SLC43A2: variants seen among roughly 807,000 people sequenced by gnomAD.
SLC43A2 encodes the protein large neutral amino acids transporter small subunit 4.
SLC43A2 carries 38 observed loss-of-function variants against 63.2 expected under a neutral mutation model. That is an observed-to-expected ratio of 0.60 (90% CI 0.46 to 0.79). The LOEUF (loss-of-function observed/expected upper bound fraction) is 0.79. Among genes scored for constraint, SLC43A2 ranks in the 30% least tolerant of loss-of-function variants. SLC43A2 has a pLI of 0.00. For missense variants in SLC43A2, 644 were observed against 756.2 expected (o/e 0.85, Z 1.74); for synonymous variants, 322 against 331.0 (o/e 0.97, Z 0.30).
intron 2 of SLC43A2, among the ~76,000 whole-genome samples, chr17:1,621,375 C>G (rs760115921): frequency 2.6e-4 from 39 of 152,316 alleles, no homozygotes; most frequent in African/African-American, 5.8e-4. Flanking sequence ...CCGAGCCCCC[C>G]CTCCAGGGTG....
chr17:1,576,928 G>A (rs905779198), intron 12 of SLC43A2, among the ~76,000 whole-genome samples: 12 of 149,150 alleles, frequency 8.0e-5, no homozygotes, highest in African/African-American at 3.0e-4. Context: ...GCAATGACAC[G>A]ATCTCGGCTC....
intron 5 of SLC43A2, chr17:1,604,717 A>G: frequency 6.5e-7 from 1 of 1,535,200 alleles, no homozygotes; most frequent in Non-Finnish European, 8.7e-7. Flanking sequence ...CTCCTTTTAG[A>G]CCCATCTGCC....
At chr17:1,579,128 G>A in intron 11 of SLC43A2, among the ~76,000 whole-genome samples, 1 of 125,048 alleles carries the variant, frequency 8.0e-6, no homozygotes, top group Non-Finnish European at 1.7e-5. Flanking sequence ...GACAAAGTGA[G>A]ACTCTGTCTC....
At chr17:1,596,276 T>C (rs1469124801) in intron 5 of SLC43A2, among the ~76,000 whole-genome samples, 1 of 151,470 alleles carries the variant, frequency 6.6e-6, no homozygotes, top group Non-Finnish European at 1.5e-5. Context: ...CTGACATTGA[T>C]CCACTGCACT....
At chr17:1,610,343 G>A (rs1906984794) in intron 5 of SLC43A2, among the ~76,000 whole-genome samples, 1 of 151,120 alleles carries the variant, frequency 6.6e-6, no homozygotes, top group Non-Finnish European at 1.5e-5. Context: ...GCATACTGTG[G>A]CCTGGAACTT....
At chr17:1,615,640 G>A (rs534098137) in intron 3 of SLC43A2, among the ~76,000 whole-genome samples, 70 of 149,708 alleles carry the variant, frequency 4.7e-4, no homozygotes, top group African/African-American at 1.4e-3. Context: ...TCAGGAGATC[G>A]AGACCATCCT....
intron 5 of SLC43A2, among the ~76,000 whole-genome samples, chr17:1,600,152 A>ATATATATAT (rs1216616243): frequency 1.0e-4 from 6 of 60,278 alleles, no homozygotes; most frequent in Middle Eastern, 8.9e-3. Flanking sequence ...ATATATATAT[A>ATATATATAT]TTTTTTTTTT....
chr17:1,624,473 C>T (rs773796683), intron 2 of SLC43A2, among the ~76,000 whole-genome samples: 5 of 151,522 alleles, frequency 3.3e-5, no homozygotes, highest in Non-Finnish European at 7.4e-5. Flanking sequence ...GAGGCCAAGG[C>T]GGGTGGATCA....
In SLC43A2 at chr17:1,593,997, C is replaced by A. The variant is rs1905048536; in HGVS notation, c.502-718G>T. Among the ~76,000 whole-genome samples, 1 of 152,094 alleles carries A rather than the reference C, an allele frequency of 6.6e-6. No homozygotes were observed. The highest frequency in any genetic ancestry group is 6.6e-5 in the Admixed American group (1 of 15,262). ...GAGATTAGAGATGCCCGCCACCATG[C>A]CTGGCTAATTTTTGTATTTTTAGTA... On this transcript the variant is annotated intron_variant, in intron 5 of 13. Transcript: ENST00000301335. The surrounding 1 kb of genome is among the most constrained non-coding windows in gnomAD (Gnocchi z 5.3).
At chr17:1,600,152 A>ATATATATATATATATTTTT (rs1216616243) in intron 5 of SLC43A2, among the ~76,000 whole-genome samples, 38 of 60,266 alleles carry the variant, frequency 6.3e-4, no homozygotes, top group African/African-American at 1.9e-3. Context: ...ATATATATAT[A>ATATATATATATATATTTTT]TTTTTTTTTT....
chr17:1,599,366 T>C (rs1459481952), intron 5 of SLC43A2, among the ~76,000 whole-genome samples: 1 of 150,738 alleles, frequency 6.6e-6, no homozygotes, highest in African/African-American at 2.4e-5. Flanking sequence ...GCATATCCAT[T>C]GCAAAATGTT....
intron 5 of SLC43A2, among the ~76,000 whole-genome samples, chr17:1,595,670 C>T (rs1905226872): frequency 6.6e-6 from 1 of 152,050 alleles, no homozygotes. Context: ...GTCTTGAACT[C>T]CTGACCTCAA....
chr17:1,619,595 C>T (rs748415823), intron 2 of SLC43A2, among the ~76,000 whole-genome samples: 3 of 152,226 alleles, frequency 2.0e-5, no homozygotes, highest in Admixed American at 1.3e-4. Context: ...TCATGTACAC[C>T]GCCACAGCCG....
At chr17:1,613,077 T>C (rs979997901) in intron 5 of SLC43A2, 118 bp downstream of exon 5, 22 of 910,424 alleles carry the variant, frequency 2.4e-5, no homozygotes, top group Non-Finnish European at 3.7e-5. Context: ...CCTCTACTGT[T>C]TGGGACACCC....
chr17:1,622,830 CT>C (rs1908296787), intron 2 of SLC43A2, among the ~76,000 whole-genome samples: 1 of 152,104 alleles, frequency 6.6e-6, no homozygotes, highest in South Asian at 2.1e-4. Context: ...AGGAGAATCA[CT>C]TTAACCCGGG....
At chr17:1,618,048 A>G (rs1005292883) in intron 2 of SLC43A2, among the ~76,000 whole-genome samples, 1 of 152,230 alleles carries the variant, frequency 6.6e-6, no homozygotes, top group Non-Finnish European at 1.5e-5. Flanking sequence ...CCTGCCTTCC[A>G]ATTGCAGCCC....
rs1038209224 is a variant in SLC43A2, at chr17:1,585,500, C to T, written c.1217+413G>A. 1.2e-4 allele frequency: 49 copies of T among 415,918 alleles called. 2 individuals are homozygous for T. The highest frequency in any genetic ancestry group is 1.0e-3 in the South Asian group (49 of 47,942). 25.8% of individuals were successfully genotyped at this position (415,918 alleles called of 1,614,324 possible). A position where few individuals can be genotyped will look rare whatever the true frequency, so the allele number is the denominator to read the frequency against. On this transcript the variant is annotated intron_variant, in intron 10 of 13. Coordinates refer to ENST00000301335, the MANE Select transcript of SLC43A2 (RefSeq NM_152346.3). ...GGCTCAAGCAATTCACTCACCTCAA[C>T]CTTCCAAAGTGTTGGTATTATAGGC...
At chr17:1,595,396 C>A (rs8081142) in intron 5 of SLC43A2, among the ~76,000 whole-genome samples, 5 of 151,894 alleles carry the variant, frequency 3.3e-5, no homozygotes, top group African/African-American at 4.8e-5. Flanking sequence ...TCTTCCCCCC[C>A]CAGCTCCCAA....
chr17:1,613,614 G>A (rs1320691983), intron 4 of SLC43A2, among the ~76,000 whole-genome samples: 5 of 152,032 alleles, frequency 3.3e-5, no homozygotes, highest in African/African-American at 4.8e-5. Context: ...CACCACACCC[G>A]GCTAATTTTT....
Sources: gnomAD v4.1 joint callset for allele counts (sites outside exome capture counted in the v4.1 genomes callset) on GRCh38, gnomAD v4.1.1 for gene constraint, Gnocchi (gnomAD v3.1) non-coding constraint, MANE v1.5 for transcripts, NCBI Gene and HGNC (gene_info 2026-07-23, HGNC 2026-07-21) for gene names.